Variants in MIPOL1 observed in about 807,000 individuals in gnomAD.
The protein encoded by MIPOL1 is mirror-image polydactyly 1, also known as mirror-image polydactyly gene 1 protein.
A neutral mutation model predicts 60.9 loss-of-function variants in MIPOL1; 57 were observed. The ratio of observed to expected loss-of-function variants is 0.94; its 90% CI spans 0.76 to 1.17. MIPOL1 has a LOEUF of 1.17. MIPOL1 is among the 50% of genes most tolerant of loss of function. MIPOL1 has a pLI of 0.00. For missense variants in MIPOL1, 551 were observed against 511.6 expected (o/e 1.08, Z -0.74); for synonymous variants, 179 against 168.8 (o/e 1.06, Z -0.47).
chr14:37,201,899 A>G (rs1358326181), intron 1 of MIPOL1, among the ~76,000 whole-genome samples: 3 of 152,154 alleles, frequency 2.0e-5, no homozygotes, highest in Non-Finnish European at 4.4e-5. Flanking sequence ...CAGTGGTGCA[A>G]TCATAGCTCA....
chr14:37,267,489 A>G (rs889767346), intron 4 of MIPOL1, among the ~76,000 whole-genome samples: 1 of 149,538 alleles, frequency 6.7e-6, no homozygotes. Flanking sequence ...TTGTCTGAAG[A>G]AAAAAAAAAA....
chr14:37,266,524 A>G (rs1342908920), intron 3 of MIPOL1, among the ~76,000 whole-genome samples: 1 of 152,216 alleles, frequency 6.6e-6, no homozygotes, highest in East Asian at 1.9e-4. Context: ...TCAAATGAAA[A>G]GCAATCAGAA....
chr14:37,532,507 T>C (rs1326896979), intron 12 of MIPOL1, among the ~76,000 whole-genome samples: 1 of 152,070 alleles, frequency 6.6e-6, no homozygotes, highest in Non-Finnish European at 1.5e-5. Flanking sequence ...AGAATGAAAA[T>C]TACATTTGCA....
chr14:37,386,591 C>A (rs1357153550), intron 10 of MIPOL1, among the ~76,000 whole-genome samples: 1 of 151,864 alleles, frequency 6.6e-6, no homozygotes, highest in Non-Finnish European at 1.5e-5. Context: ...GCATAGAATT[C>A]AAGGAGTTTA....
chr14:37,522,760 T>G (rs2095422634), intron 12 of MIPOL1, among the ~76,000 whole-genome samples: 1 of 152,146 alleles, frequency 6.6e-6, no homozygotes, highest in Non-Finnish European at 1.5e-5. Context: ...GTATAAATTG[T>G]TTGTACTATT....
At chr14:37,462,579 C>G (rs575329581) in intron 11 of MIPOL1, among the ~76,000 whole-genome samples, 19 of 152,180 alleles carry the variant, frequency 1.2e-4, no homozygotes, top group Non-Finnish European at 2.1e-4. Flanking sequence ...CTTTTATGCT[C>G]TGTTTCCTTT....
intron 3 of MIPOL1, among the ~76,000 whole-genome samples, chr14:37,250,047 A>G (rs902998465): frequency 1.3e-5 from 2 of 152,176 alleles, no homozygotes; most frequent in Non-Finnish European, 1.5e-5. Context: ...AAGCTCTGGG[A>G]TACTTATGAA....
At chr14:37,311,208 T>C (rs965690229) in intron 9 of MIPOL1, among the ~76,000 whole-genome samples, 25 of 152,134 alleles carry the variant, frequency 1.6e-4, no homozygotes, top group Non-Finnish European at 3.4e-4. Context: ...GGCAGATGAT[T>C]TTTGCATTAA....
chr14:37,481,941 A>G (rs989371094), intron 11 of MIPOL1, among the ~76,000 whole-genome samples: 1 of 152,154 alleles, frequency 6.6e-6, no homozygotes, highest in Admixed American at 6.5e-5. Flanking sequence ...TCAACTCAAA[A>G]TGGTTAAGGA....
intron 10 of MIPOL1, among the ~76,000 whole-genome samples, chr14:37,403,476 G>C (rs1280576886): frequency 8.7e-6 from 1 of 114,948 alleles, no homozygotes; most frequent in African/African-American, 3.4e-5. Context: ...GAGTCTCGCT[G>C]TCTTGCAGAG....
At chr14:37,514,935 C>G (rs1328650899) in intron 12 of MIPOL1, among the ~76,000 whole-genome samples, 1 of 152,102 alleles carries the variant, frequency 6.6e-6, no homozygotes, top group African/African-American at 2.4e-5. Flanking sequence ...TTGGGAGAAA[C>G]TCAATTGAAC....
At chr14:37,434,525 A>T (rs1413703855) in intron 11 of MIPOL1, 1 of 151,950 alleles carries the variant, frequency 6.6e-6, no homozygotes, top group African/African-American at 2.4e-5. Flanking sequence ...AGCCATGCTA[A>T]TCTTCTCTGT....
At chr14:37,251,301 C>T (rs968045088) in intron 3 of MIPOL1, among the ~76,000 whole-genome samples, 15 of 151,876 alleles carry the variant, frequency 9.9e-5, no homozygotes, top group South Asian at 2.1e-4. Context: ...CTCCTAGCCT[C>T]GAGCAATTCT....
intron 11 of MIPOL1, among the ~76,000 whole-genome samples, chr14:37,471,604 T>C (rs1428539309): frequency 6.6e-6 from 1 of 152,202 alleles, no homozygotes; most frequent in Non-Finnish European, 1.5e-5. Context: ...TTTAGTAGTT[T>C]CTCATTTGCC....
At chr14:37,247,773 G>T (rs1202670347) in intron 2 of MIPOL1, 56 bp from the exon 3 acceptor site, 1 of 918,758 alleles carries the variant, frequency 1.1e-6, no homozygotes, top group Non-Finnish European at 1.7e-6. Flanking sequence ...GTAAGATTTA[G>T]GTGTGTTCTG....
chr14:37,292,705 T>A (rs2085213606), intron 7 of MIPOL1, among the ~76,000 whole-genome samples: 1 of 152,030 alleles, frequency 6.6e-6, no homozygotes, highest in African/African-American at 2.4e-5. Context: ...GGTCTCAAAC[T>A]CCTGACCTCA....
intron 6 of MIPOL1, among the ~76,000 whole-genome samples, chr14:37,275,433 G>C (rs1594855229): frequency 6.6e-6 from 1 of 151,250 alleles, no homozygotes; most frequent in African/African-American, 2.4e-5. Flanking sequence ...ATTTATTTTA[G>C]TTAAATTGAG....
chr14:37,311,295 T>G (rs532412987), intron 9 of MIPOL1, among the ~76,000 whole-genome samples: 93 of 152,290 alleles, frequency 6.1e-4, no homozygotes, highest in Non-Finnish European at 1.0e-3. Context: ...TGGAAGTAAG[T>G]TAACTAAAAT....
chr14:37,531,042 T>C (rs1481987378), intron 12 of MIPOL1, among the ~76,000 whole-genome samples: 1 of 152,062 alleles, frequency 6.6e-6, no homozygotes, highest in Non-Finnish European at 1.5e-5. Flanking sequence ...GGCCTCAAAC[T>C]CCTGACCTCA....
Sources: gnomAD v4.1 joint callset for allele counts (sites outside exome capture counted in the v4.1 genomes callset) on GRCh38, gnomAD v4.1.1 for gene constraint, MANE v1.5 for transcripts, NCBI Gene and HGNC (gene_info 2026-07-23, HGNC 2026-07-21) for gene names.